The following ZNF678 variants were observed in gnomAD, a reference collection of about 807,000 sequenced individuals.
The protein encoded by ZNF678 is hypothetical protein MGC42493.
A neutral mutation model predicts 3.0 loss-of-function variants in ZNF678; 5 were observed. The ratio of observed to expected loss-of-function variants is 1.69; its 90% CI spans 0.88 to 3.56. The LOEUF is 3.56. Among genes scored for constraint, ZNF678 ranks in the 30% most tolerant of loss-of-function variants. The probability of loss-of-function intolerance (pLI) is 0.00; values close to 1 mark genes in which losing one functional copy is unlikely to be tolerated. For missense variants in ZNF678, 593 were observed against 605.0 expected, an observed-to-expected ratio of 0.98 and a Z score of 0.21; for synonymous variants, 218 against 199.6, an observed-to-expected ratio of 1.09 and a Z score of -0.78.
At chr1:227,616,376 A>G (rs1387907860) in intron 1 of ZNF678, among the ~76,000 whole-genome samples, 1 of 152,230 alleles carries the variant, frequency 6.6e-6, no homozygotes, top group Non-Finnish European at 1.5e-5. Context: ...GTGCTGGCCC[A>G]TTCCCGACAT....
chr1:227,569,177 A>G (rs569584028), intron 1 of ZNF678, among the ~76,000 whole-genome samples: 1 of 152,282 alleles, frequency 6.6e-6, no homozygotes, highest in South Asian at 2.1e-4. Context: ...TTTTGTAGAG[A>G]CAGGGTCTCA....
At chr1:227,575,307 G>T (rs576252070) in intron 1 of ZNF678, among the ~76,000 whole-genome samples, 1 of 152,168 alleles carries the variant, frequency 6.6e-6, no homozygotes, top group African/African-American at 2.4e-5. Flanking sequence ...AATAGAAATA[G>T]CATTGAATCT....
chr1:227,607,761 T>C (rs1335489305), intron 1 of ZNF678, among the ~76,000 whole-genome samples: 3 of 146,832 alleles, frequency 2.0e-5, no homozygotes, highest in Non-Finnish European at 4.5e-5. Context: ...ATACATTTAT[T>C]ATATATTGTA....
At chr1:227,598,639 G>A (rs1328960018) in intron 1 of ZNF678, 1 of 554,662 alleles carries the variant, frequency 1.8e-6, no homozygotes, top group South Asian at 1.9e-5. Flanking sequence ...TTTTTGCTGA[G>A]CCCTTTAATG....
chr1:227,625,632 A>C (rs1425387874), intron 1 of ZNF678, among the ~76,000 whole-genome samples: 2 of 152,188 alleles, frequency 1.3e-5, no homozygotes, highest in African/African-American at 4.8e-5. Flanking sequence ...TTTCGGGCCA[A>C]GGCTTCATGG....
At chr1:227,621,755 G>A (rs895577367) in intron 1 of ZNF678, among the ~76,000 whole-genome samples, 1 of 152,172 alleles carries the variant, frequency 6.6e-6, no homozygotes, top group Non-Finnish European at 1.5e-5. Flanking sequence ...TTGGCCAAGG[G>A]AATCCCAATG....
At chr1:227,580,241 G>A (rs889110935) in intron 1 of ZNF678, among the ~76,000 whole-genome samples, 1 of 151,950 alleles carries the variant, frequency 6.6e-6, no homozygotes, top group Non-Finnish European at 1.5e-5. Flanking sequence ...CTGAAGATCT[G>A]TTAAAAGCAT....
intron 1 of ZNF678, among the ~76,000 whole-genome samples, chr1:227,607,695 T>C (rs955148316): frequency 9.4e-5 from 14 of 148,168 alleles, no homozygotes; most frequent in African/African-American, 3.2e-4. Flanking sequence ...TAAATAGTTA[T>C]ATATTTAAAT....
At chr1:227,575,955 C>T (rs997098961) in intron 1 of ZNF678, among the ~76,000 whole-genome samples, 8 of 151,904 alleles carry the variant, frequency 5.3e-5, no homozygotes, top group African/African-American at 1.7e-4. Context: ...AATCATGAAG[C>T]ATTGTTGAAT....
At chr1:227,574,548 A>T (rs1656940281) in intron 1 of ZNF678, among the ~76,000 whole-genome samples, 1 of 151,874 alleles carries the variant, frequency 6.6e-6, no homozygotes, top group Admixed American at 6.6e-5. Flanking sequence ...TTCCTTATAG[A>T]TGCTGGATAT....
intron 1 of ZNF678, among the ~76,000 whole-genome samples, chr1:227,591,808 C>A (rs1238533616): frequency 6.6e-6 from 1 of 152,176 alleles, no homozygotes; most frequent in Non-Finnish European, 1.5e-5. Context: ...AACCTTTTCT[C>A]CTACCTCAGT....
intron 1 of ZNF678, among the ~76,000 whole-genome samples, chr1:227,620,911 T>C (rs1396956172): frequency 6.6e-6 from 1 of 152,168 alleles, no homozygotes; most frequent in East Asian, 1.9e-4. Flanking sequence ...TGCTTCTTCC[T>C]GTGTCCTTTT....
chr1:227,590,247 A>G (rs1657376819), intron 1 of ZNF678, among the ~76,000 whole-genome samples: 1 of 151,796 alleles, frequency 6.6e-6, no homozygotes, highest in Admixed American at 6.6e-5. Context: ...TCATGTCTTT[A>G]ACTGTATCTT....
At chr1:227,595,550 A>AT (rs377429438) in intron 1 of ZNF678, among the ~76,000 whole-genome samples, 1 of 151,954 alleles carries the variant, frequency 6.6e-6, no homozygotes, top group East Asian at 1.9e-4. Flanking sequence ...CTTTTTTGAA[A>AT]TTTTTTAACA....
intron 2 of ZNF678, among the ~76,000 whole-genome samples, chr1:227,650,661 ATATTT>A (rs1383723888): frequency 6.6e-6 from 1 of 152,222 alleles, no homozygotes; most frequent in Admixed American, 6.5e-5. Flanking sequence ...TCTTTTATCA[ATATTT>A]TATTTCCCAA....
At chr1:227,614,023 C>T (rs1658085352) in intron 1 of ZNF678, among the ~76,000 whole-genome samples, 1 of 152,194 alleles carries the variant, frequency 6.6e-6, no homozygotes, top group African/African-American at 2.4e-5. Flanking sequence ...AGCTAGTGAG[C>T]TGTGATCTGA....
chr1:227,572,873 G>A (rs769233205), intron 1 of ZNF678, among the ~76,000 whole-genome samples: 16 of 152,166 alleles, frequency 1.1e-4, no homozygotes, highest in South Asian at 2.1e-4. Flanking sequence ...CTGGCAGGTG[G>A]GAAACTGATT....
At chr1:227,645,639 T>C (rs1658936842) in intron 1 of ZNF678, among the ~76,000 whole-genome samples, 1 of 152,214 alleles carries the variant, frequency 6.6e-6, no homozygotes. Flanking sequence ...CCATTGGAGA[T>C]GGATTTGGGT....
chr1:227,565,815 AGTGGCC>A (rs1162151763), intron 1 of ZNF678, among the ~76,000 whole-genome samples: 40 of 152,214 alleles, frequency 2.6e-4, no homozygotes, highest in African/African-American at 9.6e-4. Context: ...GCTGGAGCGC[AGTGGCC>A]TGATCTTGGC....
Sources: allele counts gnomAD v4.1 joint callset (sites outside exome capture counted in the v4.1 genomes callset), GRCh38; gene constraint gnomAD v4.1.1; transcripts MANE v1.5; gene names NCBI Gene and HGNC (gene_info 2026-07-23, HGNC 2026-07-21).